The following ARMC6 variants were observed in gnomAD, a reference collection of about 807,000 sequenced individuals.
The protein encoded by ARMC6 is armadillo repeat-containing protein 6.
ARMC6 carries 43 observed loss-of-function variants against 49.2 expected under a neutral mutation model. The observed-to-expected ratio is 0.87, with a 90% CI of 0.69 to 1.13. The LOEUF (loss-of-function observed/expected upper bound fraction) is 1.13, where lower values mean the gene tolerates loss of function less well. Ranked by LOEUF, ARMC6 falls within the 50% of genes most tolerant of loss-of-function variation. ARMC6 has a pLI of 0.00. For missense variants in ARMC6, 627 were observed against 682.0 expected (o/e 0.92, Z 0.90); for synonymous variants, 262 against 289.6 (o/e 0.90, Z 0.97).
At chr19:19,047,022 C>T (rs904303736) in intron 4 of ARMC6, among the ~76,000 whole-genome samples, 1 of 143,340 alleles carries the variant, frequency 7.0e-6, no homozygotes, top group Non-Finnish European at 1.5e-5. Flanking sequence ...GGCAGGATCT[C>T]GGCTCATTGC....
intron 4 of ARMC6, among the ~76,000 whole-genome samples, chr19:19,050,527 T>C (rs1016383697): frequency 7.2e-5 from 11 of 152,204 alleles, no homozygotes; most frequent in Non-Finnish European, 1.2e-4. Context: ...CTCTGTAGGT[T>C]TGAATTGCAT....
chr19:19,038,006 A>T (rs1227694361), intron 2 of ARMC6, among the ~76,000 whole-genome samples: 1 of 152,196 alleles, frequency 6.6e-6, no homozygotes. Context: ...CATCACTTGC[A>T]TTATGCCTGA....
Position 19,051,769 on chromosome 19 carries a change from G to T in ARMC6, c.427G>T (p.Ala143Ser). The part of the protein sequence containing the change: ...QKGAYPIIFT[A>S]WKLATAGDQG... ...GGGGGCCTACCCCATCATCTTCACT[G>T]CCTGGAAGCTGGCCACTGCAGGTGA... The change falls in exon 5 of 9, where the codon GCC becomes TCC. Residue 143 changes from alanine to serine, a missense_variant. Ala to Ser is a moderately conservative substitution (Grantham distance 99). Transcript: ENST00000535612. The T allele has an allele frequency of 6.2e-7, 1 of 1,614,020 alleles. No individual in the cohort carries two copies. Among genetic ancestry groups the T allele is most frequent in the East Asian group, 2.2e-5 (1 of 44,876 alleles).
At chr19:19,038,353 A>G (rs189014938) in intron 2 of ARMC6, among the ~76,000 whole-genome samples, 1 of 152,334 alleles carries the variant, frequency 6.6e-6, no homozygotes, top group East Asian at 1.9e-4. Flanking sequence ...GTCTTCCACG[A>G]AACTGGTCCC....
rs2059532555 is a variant in ARMC6, at chr19:19,055,146, A to C, written c.1024-119A>C. On this transcript the variant is annotated intron_variant, in intron 6 of 8. Coordinates refer to ENST00000535612, the MANE Select transcript of ARMC6 (RefSeq NM_001199196.2). The surrounding 1 kb of genome is among the most constrained non-coding windows in gnomAD (Gnocchi z 5.7). ...TCTGCCACCCCTTCTCGTTAGTCAC[A>C]CCCTGCAGTCACACCATACCTGTTG... 1 of 1,323,458 alleles carries C rather than the reference A, an allele frequency of 7.6e-7. No individual in the cohort carries two copies. The highest frequency in any genetic ancestry group is 1.0e-6 in the Non-Finnish European group (1 of 991,366). 82.0% of individuals were successfully genotyped at this position (1,323,458 alleles called of 1,614,324 possible).
At chr19:19,035,280 A>G (rs2059351276) in intron 2 of ARMC6, among the ~76,000 whole-genome samples, 1 of 152,204 alleles carries the variant, frequency 6.6e-6, no homozygotes, top group African/African-American at 2.4e-5. Flanking sequence ...CGCTGGGATT[A>G]TAGGCCTGAG....
chr19:19,034,064 C>T (rs964467319), intron 1 of ARMC6, 67 bp from the exon 2 acceptor site: 4 of 636,206 alleles, frequency 6.3e-6, no homozygotes, highest in African/African-American at 3.7e-5. Flanking sequence ...CAGAAGCCGC[C>T]TGGGGACAAA....
chr19:19,055,695 G>A lies in ARMC6; in HGVS notation c.1156-96G>A, dbSNP rs2059538050. The A allele has an allele frequency of 3.4e-6, 5 of 1,475,062 alleles. No homozygotes were observed. The highest frequency in any genetic ancestry group is 4.5e-6 in the Non-Finnish European group (5 of 1,105,438). The allele number at this position is 1,475,062 out of a possible 1,614,324, so 91.4% of individuals were successfully genotyped here. A position where few individuals can be genotyped will look rare whatever the true frequency, so the allele number is the denominator to read the frequency against. The stretch of plus-strand genomic sequence containing the variant: ...AGTTGCCAGAGACCCACGGAGGGGA[G>A]GCCGCAGGGTGTTCACCAGGGGTTG... On this transcript the variant is annotated intron_variant, in intron 7 of 8. Coordinates refer to ENST00000535612, the MANE Select transcript of ARMC6 (RefSeq NM_001199196.2). The surrounding 1 kb of genome is among the most constrained non-coding windows in gnomAD (Gnocchi z 5.7).
At chr19:19,040,058 C>G (rs1478507197) in intron 2 of ARMC6, among the ~76,000 whole-genome samples, 1 of 152,212 alleles carries the variant, frequency 6.6e-6, no homozygotes, top group Non-Finnish European at 1.5e-5. Flanking sequence ...CCACAGAGGC[C>G]AATGGCTTCT....
At chr19:19,056,058 T>C in intron 8 of ARMC6, 130 bp downstream of exon 8, 1 of 1,069,834 alleles carries the variant, frequency 9.3e-7, no homozygotes, top group East Asian at 2.9e-5. Flanking sequence ...TCCCTATCCC[T>C]GTCCCTGTCC....
intron 2 of ARMC6, among the ~76,000 whole-genome samples, chr19:19,036,839 C>T (rs1479628490): frequency 6.6e-6 from 1 of 152,200 alleles, no homozygotes; most frequent in Non-Finnish European, 1.5e-5. Context: ...TTCACTACTG[C>T]CCTATGAAGT....
intron 2 of ARMC6, chr19:19,037,541 AT>A: frequency 2.7e-6 from 2 of 747,998 alleles, no homozygotes; most frequent in Non-Finnish European, 4.0e-6. Flanking sequence ...TAATTTTGGT[AT>A]TTTTTATAGA....
chr19:19,057,881 T>TC lies in ARMC6; in HGVS notation c.*258dup. ...GCACGGATGTTACTGTCCTGCTCCT[T>TC]CCCCCAGCCCCACGCCCTACCAGAG... On this transcript the variant is annotated 3_prime_UTR_variant, in exon 9 of 9. Coordinates refer to ENST00000535612, the MANE Select transcript of ARMC6 (RefSeq NM_001199196.2). 1.6e-6 allele frequency: 1 copy of TC among 635,446 alleles called. No individual in the cohort carries two copies. The highest frequency in any genetic ancestry group is 2.9e-6 in the Non-Finnish European group (1 of 347,924). 39.4% of individuals were successfully genotyped at this position (635,446 alleles called of 1,614,324 possible). A position where few individuals can be genotyped will look rare whatever the true frequency, so the allele number is the denominator to read the frequency against.
intron 6 of ARMC6, 126 bp downstream of exon 6, chr19:19,054,447 G>C: frequency 9.7e-7 from 1 of 1,035,448 alleles, no homozygotes; most frequent in South Asian, 2.2e-5. Flanking sequence ...TTCTTTTCAC[G>C]GACCCAAGGG....
At chr19:19,033,974 G>T (rs2059303419) in intron 1 of ARMC6, 44 bp downstream of exon 1, 2 of 537,542 alleles carry the variant, frequency 3.7e-6, no homozygotes, top group East Asian at 6.6e-5. Context: ...GCGGAGTGGG[G>T]AGTGGGGGTG....
rs1435623169 is a variant in ARMC6, at chr19:19,054,374, C to A, written c.1023+53C>A. On this transcript the variant is annotated intron_variant, in intron 6 of 8. Transcript: ENST00000535612. ...GCTGTCCTTCTGGGTCCCAGTCAACCGGACGAGCTATAGTCAGAACAAGCC... is the reference window on the plus strand; with the variant it reads ...GCTGTCCTTCTGGGTCCCAGTCAACAGGACGAGCTATAGTCAGAACAAGCC... 12 of 1,444,324 alleles carry A rather than the reference C, an allele frequency of 8.3e-6. No homozygotes were observed. The Admixed American group carries it at 2.5e-4, about 30-fold the overall frequency. 89.5% of individuals were successfully genotyped at this position (1,444,324 alleles called of 1,614,324 possible).
chr19:19,044,526 G>C (rs2059433740), intron 4 of ARMC6, among the ~76,000 whole-genome samples: 1 of 152,252 alleles, frequency 6.6e-6, no homozygotes, highest in Admixed American at 6.5e-5. Flanking sequence ...TCCTGTCTTA[G>C]TGATGGGGAA....
intron 5 of ARMC6, among the ~76,000 whole-genome samples, chr19:19,053,305 T>C (rs927806985): frequency 6.6e-6 from 1 of 152,084 alleles, no homozygotes; most frequent in Non-Finnish European, 1.5e-5. Context: ...CTGGGCAACA[T>C]GATGAAACCC....
At chr19:19,034,608 A>G (rs2059328311) in intron 2 of ARMC6, among the ~76,000 whole-genome samples, 2 of 152,084 alleles carry the variant, frequency 1.3e-5, no homozygotes, top group South Asian at 4.1e-4. Context: ...TTTTCTTTTG[A>G]GACGGAGTCT....
Sources: allele counts gnomAD v4.1 joint callset (sites outside exome capture counted in the v4.1 genomes callset), GRCh38; gene constraint gnomAD v4.1.1; non-coding constraint Gnocchi (gnomAD v3.1); transcripts MANE v1.5; gene names NCBI Gene and HGNC (gene_info 2026-07-23, HGNC 2026-07-21).